Variants in IRF8 observed in about 807,000 individuals in gnomAD.
IRF8 encodes interferon regulatory factor 8.
IRF8 carries 14 observed loss-of-function variants against 48.7 expected under a neutral mutation model. The ratio of observed to expected loss-of-function variants is 0.29; its 90% CI spans 0.19 to 0.45. The LOEUF is 0.45. IRF8 is among the 20% of genes least tolerant of loss of function. The probability of loss-of-function intolerance (pLI) is 1.00; values close to 1 mark genes in which losing one functional copy is unlikely to be tolerated. For missense variants in IRF8, 493 were observed against 580.7 expected, an observed-to-expected ratio of 0.85 and a Z score of 1.55; for synonymous variants, 278 against 227.3, an observed-to-expected ratio of 1.22 and a Z score of -2.01.
At chr16:85,907,427 C>T (rs1905036623) in intron 2 of IRF8, among the ~76,000 whole-genome samples, 1 of 152,350 alleles carries the variant, frequency 6.6e-6, no homozygotes, top group Non-Finnish European at 1.5e-5. Flanking sequence ...CGCCTGTAAG[C>T]CCAGCACTTT....
intron 3 of IRF8, among the ~76,000 whole-genome samples, chr16:85,910,872 T>A (rs570198413): frequency 2.6e-4 from 40 of 152,240 alleles, no homozygotes; most frequent in Non-Finnish European, 5.1e-4. Flanking sequence ...TCACTGGGAA[T>A]AATGAATTTT....
chr16:85,902,949 T>G, intron 1 of IRF8, 66 bp from the exon 2 acceptor site: 1 of 1,567,954 alleles, frequency 6.4e-7, no homozygotes, highest in Non-Finnish European at 8.8e-7. Flanking sequence ...GTTAGCAGTT[T>G]TTGGGTTGCT....
At chr16:85,915,675 T>G (rs910745266) in intron 6 of IRF8, among the ~76,000 whole-genome samples, 2 of 152,212 alleles carry the variant, frequency 1.3e-5, no homozygotes, top group African/African-American at 4.8e-5. Flanking sequence ...GTCTCAGTTC[T>G]GGGAGGCCTG....
Position 85,921,179 on chromosome 16 carries a change from C to T in IRF8, c.1178C>T (p.Ala393Val), listed in dbSNP as rs1283912318. ...TGTGGAGCCGGCTCTGTGATGCAGG[C>T]CCCCGAGGAGCCGCCGCCAGACCAG... is the stretch of plus-strand genomic sequence containing the variant. ...KSCGAGSVMQ[A>V]PEEPPPDQVF... The change falls in exon 9 of 9, where the codon GCC becomes GTC. Residue 393 changes from alanine to valine, a missense_variant. Ala to Val is a moderately conservative substitution (Grantham distance 64). Coordinates refer to ENST00000268638, the MANE Select transcript of IRF8 (RefSeq NM_002163.4). 1 of 1,614,134 alleles carries T rather than the reference C, an allele frequency of 6.2e-7. No individual in the cohort carries two copies. Among genetic ancestry groups the T allele is most frequent in the African/African-American group, 1.3e-5 (1 of 75,072 alleles).
chr16:85,904,812 CTTTTTTTTT>C (rs1177860791), intron 2 of IRF8, among the ~76,000 whole-genome samples: 1 of 87,598 alleles, frequency 1.1e-5, no homozygotes, highest in African/African-American at 4.9e-5. Context: ...GATTGCAGAT[CTTTTTTTTT>C]TTTTTTTTTT....
intron 5 of IRF8, 80 bp from the exon 6 acceptor site, chr16:85,914,393 T>C (rs752094242): frequency 1.9e-6 from 3 of 1,561,620 alleles, no homozygotes; most frequent in Admixed American, 1.7e-5. Context: ...TAAGGGACTT[T>C]TGGAGAAGGA....
At chr16:85,905,212 T>TA (rs1567470673) in intron 2 of IRF8, among the ~76,000 whole-genome samples, 1 of 152,192 alleles carries the variant, frequency 6.6e-6, no homozygotes, top group African/African-American at 2.4e-5. Context: ...TGTTGGGTGC[T>TA]GAAGGCACAG....
At position 85,899,239 on chromosome 16, in the gene IRF8, G is replaced by C. The variant is rs148522083; in HGVS notation, c.-2+16G>C. On this transcript the variant is annotated intron_variant, in intron 1 of 8. Transcript: ENST00000268638. ...ACGGCGGCAGGTAGGCACAGTGGGCGGGTAGGGCGCCCGTGTCCCGCGCGG... is the reference window on the plus strand; with the variant it reads ...ACGGCGGCAGGTAGGCACAGTGGGCCGGTAGGGCGCCCGTGTCCCGCGCGG... The C allele has an allele frequency of 6.6e-6, 1 of 152,336 alleles. No individual in the cohort carries two copies. Among genetic ancestry groups the C allele is most frequent in the Non-Finnish European group, 1.5e-5 (1 of 68,026 alleles). The allele number at this position is 152,336 out of a possible 1,614,324, so 9.4% of individuals were successfully genotyped here. A position where few individuals can be genotyped will look rare whatever the true frequency, so the allele number is the denominator to read the frequency against.
rs150022346 is a variant in IRF8, at chr16:85,901,589, G to T, written c.-1-1426G>T. 5.3e-5 allele frequency among the ~76,000 whole-genome samples: 8 copies of T among 152,268 alleles called. No individual in the cohort carries two copies. In the East Asian group the frequency reaches 1.5e-3, roughly 29 times the overall value. Reference sequence around the variant, plus strand: ...GCTATGATGGCACCACTGCACTCCTGCCTGGGTGACAGAGCAAGACCCTGT... The same window carrying T: ...GCTATGATGGCACCACTGCACTCCTTCCTGGGTGACAGAGCAAGACCCTGT... On this transcript the variant is annotated intron_variant, in intron 1 of 8. Coordinates refer to ENST00000268638, the MANE Select transcript of IRF8 (RefSeq NM_002163.4).
In IRF8 at chr16:85,918,460, G is replaced by A. The variant is rs746599540; in HGVS notation, c.645G>A (p.Leu215=). The A allele has an allele frequency of 2.5e-6, 4 of 1,591,854 alleles. No homozygotes were observed. Among genetic ancestry groups the A allele is most frequent in the Non-Finnish European group, 1.7e-6 (2 of 1,176,084 alleles). The change falls in exon 7 of 9, where the codon CTG becomes CTA. Residue 215 remains leucine (L), a synonymous_variant. Coordinates refer to ENST00000268638, the MANE Select transcript of IRF8 (RefSeq NM_002163.4). ...MVISFYYGGK[L]VGQATTTCPE... ...TCAGCTTCTACTATGGGGGCAAGCT[G>A]GTGGGCCAGGCCACCACCACCTGCC...
intron 6 of IRF8, among the ~76,000 whole-genome samples, chr16:85,916,554 G>A (rs1905312932): frequency 6.6e-6 from 1 of 152,186 alleles, no homozygotes; most frequent in Non-Finnish European, 1.5e-5. Flanking sequence ...AAGACGTTCT[G>A]GGGTGTGTGG....
At chr16:85,914,270 C>T (rs982673367) in intron 5 of IRF8, 2 of 631,734 alleles carry the variant, frequency 3.2e-6, no homozygotes, top group African/African-American at 3.6e-5. Context: ...CGACTTGCCA[C>T]TCTGGTTTTC....
At chr16:85,906,738 G>C (rs369661215) in intron 2 of IRF8, among the ~76,000 whole-genome samples, 3 of 152,198 alleles carry the variant, frequency 2.0e-5, no homozygotes, top group South Asian at 2.1e-4. Context: ...GTTCTCAGGT[G>C]GGGGAGGTAT....
At chr16:85,904,812 C>CTTTTTTTTTTGTTTTT (rs1904941879) in intron 2 of IRF8, among the ~76,000 whole-genome samples, 2 of 87,598 alleles carry the variant, frequency 2.3e-5, no homozygotes, top group Non-Finnish European at 2.1e-5. Context: ...GATTGCAGAT[C>CTTTTTTTTTTGTTTTT]TTTTTTTTTT....
chr16:85,909,051 A>T lies in IRF8; in HGVS notation c.236A>T (p.Lys79Met). Residue 79 changes from lysine (K) to methionine (M), a missense_variant, in exon 3 of 9, where the codon AAG becomes ATG. Lys to Met is a moderately conservative substitution (Grantham distance 95). Coordinates refer to ENST00000268638, the MANE Select transcript of IRF8 (RefSeq NM_002163.4). ...EGDKAEPATWKTRLRCALNKS... is the reference protein window; with the variant it reads ...EGDKAEPATWMTRLRCALNKS... ...GACAAAGCTGAACCAGCCACTTGGA[A>T]GACGAGGTTACGCTGTGCTTTGAAT... The T allele has an allele frequency of 1.9e-6, 3 of 1,614,198 alleles. No individual in the cohort carries two copies. The highest frequency in any genetic ancestry group is 2.5e-6 in the Non-Finnish European group (3 of 1,180,020).
chr16:85,913,127 G>T lies in IRF8; in HGVS notation c.448-4G>T. 4.3e-6 allele frequency: 7 copies of T among 1,612,432 alleles called. No homozygotes were observed. The highest frequency in any genetic ancestry group is 5.9e-6 in the Non-Finnish European group (7 of 1,178,464). ...GCCCTCCTCTCCCTCCCCTGACTGTGCAGCCTTCTGTGGACGATTACATGG... is the reference window on the plus strand; with the variant it reads ...GCCCTCCTCTCCCTCCCCTGACTGTTCAGCCTTCTGTGGACGATTACATGG... On this transcript the variant is annotated splice_region_variant and splice_polypyrimidine_tract_variant and intron_variant, in intron 4 of 8. Coordinates refer to ENST00000268638, the MANE Select transcript of IRF8 (RefSeq NM_002163.4).
chr16:85,916,802 C>A (rs1006110342), intron 6 of IRF8, among the ~76,000 whole-genome samples: 2 of 152,168 alleles, frequency 1.3e-5, no homozygotes, highest in African/African-American at 4.8e-5. Flanking sequence ...GCAGAAGTTG[C>A]AGACTTGGCG....
intron 3 of IRF8, chr16:85,909,956 G>A (rs1905099917): frequency 6.6e-6 from 1 of 152,184 alleles, no homozygotes; most frequent in Non-Finnish European, 1.5e-5. Flanking sequence ...AACCCACTCT[G>A]GCTTTCTCCT....
At chr16:85,914,852 A>G (rs773292011) in intron 6 of IRF8, among the ~76,000 whole-genome samples, 4 of 150,610 alleles carry the variant, frequency 2.7e-5, no homozygotes, top group African/African-American at 5.0e-5. Flanking sequence ...CGAGGCCCCA[A>G]TTTCTCCTCC....
Sources: gnomAD v4.1 joint callset for allele counts (sites outside exome capture counted in the v4.1 genomes callset) on GRCh38, gnomAD v4.1.1 for gene constraint, MANE v1.5 for transcripts, NCBI Gene and HGNC (gene_info 2026-07-23, HGNC 2026-07-21) for gene names.